The following PPP5C variants were observed in gnomAD, a reference collection of about 807,000 sequenced individuals.
The protein encoded by PPP5C is protein phosphatase 5 catalytic subunit.
A neutral mutation model predicts 66.7 loss-of-function variants in PPP5C; 21 were observed. The observed-to-expected ratio is 0.31, with a 90% CI of 0.22 to 0.45. The LOEUF is 0.45. Among genes scored for constraint, PPP5C ranks in the 20% least tolerant of loss-of-function variants. PPP5C has a pLI of 1.00. For synonymous variants in PPP5C, 246 were observed against 257.4 expected (o/e 0.96, Z 0.43); for missense variants, 464 against 675.9 (o/e 0.69, Z 3.48).
At position 46,384,965 on chromosome 19, in the gene PPP5C, C is replaced by T. The variant is rs1440997521; in HGVS notation, c.904+56C>T. 13 of 1,310,890 alleles carry T rather than the reference C, an allele frequency of 9.9e-6. No homozygotes were observed. In the South Asian group the frequency reaches 1.4e-4, roughly 14 times the overall value. The allele number at this position is 1,310,890 out of a possible 1,614,324, so 81.2% of individuals were successfully genotyped here. ...ATTGTGGGGTCCTGAGTGGGGCACTCACTCTGCAAGGATAATAGTTGCAGC... is the reference window on the plus strand; with the variant it reads ...ATTGTGGGGTCCTGAGTGGGGCACTTACTCTGCAAGGATAATAGTTGCAGC... On this transcript the variant is annotated intron_variant, in intron 7 of 12. Transcript: ENST00000012443.
chr19:46,350,622 A>G (rs1428828850), intron 1 of PPP5C, among the ~76,000 whole-genome samples: 1 of 152,250 alleles, frequency 6.6e-6, no homozygotes, highest in Non-Finnish European at 1.5e-5. Flanking sequence ...ACAATAAAAA[A>G]GAATAATGAC....
rs1180516942 is a variant in PPP5C, at chr19:46,375,669, G to A, written c.429G>A (p.Val143=). 1.2e-6 allele frequency: 2 copies of A among 1,613,992 alleles called. No individual in the cohort carries two copies. The change falls in exon 3 of 13, where the codon GTG becomes GTA. Residue 143 remains valine (V), a synonymous_variant. Transcript: ENST00000012443. ...AATACCAGGAGTGCAACAAGATCGT[G>A]AAGCAGAAGGCCTTTGAGCGGGCCA... ...KMKYQECNKI[V]KQKAFERAIA... is the part of the protein sequence containing the mutation.
At chr19:46,347,443 T>C (rs1395401678) in intron 1 of PPP5C, among the ~76,000 whole-genome samples, 1 of 151,688 alleles carries the variant, frequency 6.6e-6, no homozygotes, top group African/African-American at 2.4e-5. Flanking sequence ...GTGGAGAGAC[T>C]GAGGAGGGCG....
In PPP5C at chr19:46,376,577, A is replaced by G. The variant is rs781210421; in HGVS notation, c.633+3A>G. 6.2e-7 allele frequency: 1 copy of G among 1,613,278 alleles called. No individual in the cohort carries two copies. The highest frequency in any genetic ancestry group is 8.5e-7 in the Non-Finnish European group (1 of 1,179,450). ...TGCACCGGAAATGTGCCTACCAGGT[A>G]ATGCATCTGTCAGGTACTGGGCACC... On this transcript the variant is annotated splice_donor_region_variant and intron_variant, in intron 4 of 12. Transcript: ENST00000012443. The surrounding 1 kb of genome is among the most constrained non-coding windows in gnomAD (Gnocchi z 5.1).
In PPP5C at chr19:46,390,454, T is replaced by G. The variant is rs1972998867; in HGVS notation, c.*108T>G. ...CGCCCCAGGGCAATGTTGGACCCCC[T>G]TTTACTTTGTAAAGTTTGTATTTAT... On this transcript the variant is annotated 3_prime_UTR_variant, in exon 13 of 13. Transcript: ENST00000012443. 1 of 1,526,426 alleles carries G rather than the reference T, an allele frequency of 6.6e-7. No individual in the cohort carries two copies. The highest frequency in any genetic ancestry group is 2.0e-5 in the Admixed American group (1 of 49,544). The allele number at this position is 1,526,426 out of a possible 1,614,324, so 94.6% of individuals were successfully genotyped here.
intron 2 of PPP5C, among the ~76,000 whole-genome samples, chr19:46,364,278 A>G (rs1030391478): frequency 3.3e-5 from 5 of 152,156 alleles, no homozygotes; most frequent in Non-Finnish European, 5.9e-5. Flanking sequence ...GCTTTTGACT[A>G]TAGAGCTCTT....
chr19:46,377,141 G>T (rs951561945), intron 4 of PPP5C, among the ~76,000 whole-genome samples: 9 of 152,152 alleles, frequency 5.9e-5, no homozygotes, highest in African/African-American at 2.2e-4. Context: ...GAGGATGCGG[G>T]ACTTCTTGTG....
chr19:46,382,784 C>T, intron 4 of PPP5C: 1 of 996,916 alleles, frequency 1.0e-6, no homozygotes, highest in Non-Finnish European at 1.2e-6. Flanking sequence ...TGTGATAATA[C>T]TGACTAAGGT....
chr19:46,390,431 C>A lies in PPP5C; in HGVS notation c.*85C>A. ...TGGGCTAGGGGCAGAGCAGGCCCCGCCCCAGGGCAATGTTGGACCCCCTTT... is the reference window on the plus strand; with the variant it reads ...TGGGCTAGGGGCAGAGCAGGCCCCGACCCAGGGCAATGTTGGACCCCCTTT... On this transcript the variant is annotated 3_prime_UTR_variant, in exon 13 of 13. Coordinates refer to ENST00000012443, the MANE Select transcript of PPP5C (RefSeq NM_006247.4). The A allele has an allele frequency of 4.5e-6, 7 of 1,541,128 alleles. No individual in the cohort carries two copies. The highest frequency in any genetic ancestry group is 6.1e-6 in the Non-Finnish European group (7 of 1,141,740).
At chr19:46,366,321 C>T (rs1051267722) in intron 2 of PPP5C, among the ~76,000 whole-genome samples, 1 of 151,884 alleles carries the variant, frequency 6.6e-6, no homozygotes, top group Non-Finnish European at 1.5e-5. Flanking sequence ...GGGAAGAGCA[C>T]TGGAGAACAA....
chr19:46,355,573 C>T (rs1208793399), intron 2 of PPP5C, among the ~76,000 whole-genome samples: 1 of 151,778 alleles, frequency 6.6e-6, no homozygotes, highest in African/African-American at 2.4e-5. Context: ...GTTAGGGCGA[C>T]ACCTAGAAGG....
intron 11 of PPP5C, 93 bp from the exon 12 acceptor site, chr19:46,389,940 GCTCTGTCCCTCCCTCTCC>G (rs1972983375): frequency 2.2e-6 from 2 of 927,534 alleles, no homozygotes; most frequent in African/African-American, 1.6e-5. Flanking sequence ...GTCTGTTGTG[GCTCTGTCCCTCCCTCTCC>G]CTCTGTCCCT....
intron 2 of PPP5C, among the ~76,000 whole-genome samples, chr19:46,355,679 T>C (rs1405339385): frequency 1.3e-5 from 2 of 152,048 alleles, no homozygotes; most frequent in African/African-American, 2.4e-5. Flanking sequence ...CCTGTCCTAA[T>C]CTAGAAAATG....
chr19:46,377,569 T>TTA (rs1972717660), intron 4 of PPP5C, among the ~76,000 whole-genome samples: 1 of 152,196 alleles, frequency 6.6e-6, no homozygotes, highest in South Asian at 2.1e-4. Flanking sequence ...TTAGATGAGT[T>TTA]TTTAGAGTTT....
intron 2 of PPP5C, among the ~76,000 whole-genome samples, chr19:46,368,550 A>G (rs1972529863): frequency 6.6e-6 from 1 of 152,150 alleles, no homozygotes; most frequent in African/African-American, 2.4e-5. Flanking sequence ...TTAATTTGTT[A>G]CCTTTTTATT....
intron 2 of PPP5C, among the ~76,000 whole-genome samples, chr19:46,363,641 G>C (rs976138107): frequency 4.6e-5 from 7 of 151,916 alleles, no homozygotes; most frequent in Non-Finnish European, 1.0e-4. Context: ...ATGTTGGCCA[G>C]ATGGTCTCGA....
At chr19:46,359,184 GT>G (rs1972338696) in intron 2 of PPP5C, among the ~76,000 whole-genome samples, 2 of 152,070 alleles carry the variant, frequency 1.3e-5, no homozygotes, top group Non-Finnish European at 2.9e-5. Context: ...AATTTTCAGT[GT>G]GTCCAAAAGC....
intron 1 of PPP5C, among the ~76,000 whole-genome samples, chr19:46,348,409 G>C (rs1052636528): frequency 6.6e-6 from 1 of 150,806 alleles, no homozygotes; most frequent in Admixed American, 6.6e-5. Context: ...CGCCTCCCTG[G>C]TTCAAGCGAT....
chr19:46,384,054 G>C, intron 6 of PPP5C, 176 bp downstream of exon 6: 1 of 615,026 alleles, frequency 1.6e-6, no homozygotes, highest in Non-Finnish European at 2.9e-6. Flanking sequence ...TGCACCCCAG[G>C]CTCCAGGCTC....
Sources: gnomAD v4.1 joint callset for allele counts (sites outside exome capture counted in the v4.1 genomes callset) on GRCh38, gnomAD v4.1.1 for gene constraint, Gnocchi (gnomAD v3.1) non-coding constraint, MANE v1.5 for transcripts, NCBI Gene and HGNC (gene_info 2026-07-23, HGNC 2026-07-21) for gene names.